ACAP2: variants seen among roughly 807,000 people sequenced by gnomAD.
ACAP2 encodes the protein arf-GAP with coiled-coil, ANK repeat and PH domain-containing protein 2.
In ACAP2, 39 loss-of-function variants were observed where a neutral mutation model predicts 115.8. The observed-to-expected ratio is 0.34, with a 90% CI of 0.26 to 0.44. The LOEUF is 0.44. ACAP2 is among the 20% of genes least tolerant of loss of function. The pLI is 1.00. For synonymous variants in ACAP2, 289 were observed against 315.8 expected (o/e 0.92, Z 0.90); for missense variants, 662 against 927.6 (o/e 0.71, Z 3.72).
chr3:195,336,518 A>G (rs9681021), intron 7 of ACAP2: 47,597 of 153,748 alleles, frequency 0.31, 8,501 homozygotes, highest in East Asian at 0.82. Flanking sequence ...CAAAACAAGT[A>G]AGAAAAAATT....
intron 9 of ACAP2, among the ~76,000 whole-genome samples, chr3:195,322,451 C>G (rs1391145801): frequency 6.6e-6 from 1 of 151,976 alleles, no homozygotes; most frequent in South Asian, 2.1e-4. Context: ...AGGAAACAGA[C>G]TAAATTCAGA....
At position 195,295,796 on chromosome 3, in the gene ACAP2, C is replaced by T. The variant is rs746203458; in HGVS notation, c.1584G>A (p.Lys528=). 1 of 1,614,004 alleles carries T rather than the reference C, an allele frequency of 6.2e-7. No individual in the cohort carries two copies. Among genetic ancestry groups the T allele is most frequent in the East Asian group, 2.2e-5 (1 of 44,864 alleles). ...ISLSPPEQQK[K]FVSKSSEEKR... ...TTTCTTCAGAACTTTTAGAGACAAACTTTTTTTGCTGCTCAGGAGGTGATA... is the reference window on the plus strand; with the variant it reads ...TTTCTTCAGAACTTTTAGAGACAAATTTTTTTTGCTGCTCAGGAGGTGATA... The change falls in exon 17 of 23, where the codon AAG becomes AAA. Residue 528 remains lysine, a synonymous_variant. Transcript: ENST00000326793.
intron 22 of ACAP2, chr3:195,285,461 G>C (rs963180688): frequency 6.8e-5 from 15 of 221,732 alleles, no homozygotes; most frequent in Non-Finnish European, 1.1e-4. Flanking sequence ...AGTATATGAA[G>C]AATATTTTTA....
chr3:195,315,339 T>A (rs1577286485), intron 10 of ACAP2, among the ~76,000 whole-genome samples: 1 of 152,252 alleles, frequency 6.6e-6, no homozygotes, highest in Non-Finnish European at 1.5e-5. Flanking sequence ...TATATTCTTT[T>A]ACAAGTCAGA....
chr3:195,407,417 C>T (rs1259955521), intron 1 of ACAP2, among the ~76,000 whole-genome samples: 1 of 151,914 alleles, frequency 6.6e-6, no homozygotes, highest in Non-Finnish European at 1.5e-5. Context: ...CATTAAAAAA[C>T]AAGAAAGTCC....
At chr3:195,330,761 C>T (rs2108623877) in intron 8 of ACAP2, among the ~76,000 whole-genome samples, 1 of 152,312 alleles carries the variant, frequency 6.6e-6, no homozygotes. Context: ...ACGTTAATTT[C>T]CCTTGCAGCT....
chr3:195,346,801 C>G (rs1207589275), intron 4 of ACAP2, among the ~76,000 whole-genome samples: 1 of 152,088 alleles, frequency 6.6e-6, no homozygotes, highest in East Asian at 1.9e-4. Context: ...TAGAAACAAA[C>G]TATGATACAT....
At chr3:195,316,720 T>A (rs1229149213) in intron 10 of ACAP2, among the ~76,000 whole-genome samples, 1 of 151,998 alleles carries the variant, frequency 6.6e-6, no homozygotes, top group African/African-American at 2.4e-5. Flanking sequence ...TTTAAAGCTC[T>A]CTAAACTCAG....
At chr3:195,385,082 C>G (rs909324498) in intron 2 of ACAP2, among the ~76,000 whole-genome samples, 1 of 151,506 alleles carries the variant, frequency 6.6e-6, no homozygotes, top group African/African-American at 2.4e-5. Context: ...GGTACCAAAC[C>G]ATATATGGTT....
intron 19 of ACAP2, 98 bp from the exon 20 acceptor site, chr3:195,291,913 G>T: frequency 1.0e-6 from 1 of 1,001,922 alleles, no homozygotes; most frequent in Non-Finnish European, 1.4e-6. Context: ...TACTCAAATA[G>T]CATTTCCATT....
At chr3:195,382,239 C>A (rs1170395496) in intron 2 of ACAP2, among the ~76,000 whole-genome samples, 1 of 152,034 alleles carries the variant, frequency 6.6e-6, no homozygotes, top group Non-Finnish European at 1.5e-5. Context: ...CATTTAGGAT[C>A]CAGAGGCTGT....
Position 195,353,323 on chromosome 3 carries a change from C to T in ACAP2, c.286-8006G>A, listed in dbSNP as rs192944097. Among the ~76,000 whole-genome samples the T allele has an allele frequency of 7.9e-5, 12 of 152,302 alleles. No homozygotes were observed. The East Asian group carries it at 1.9e-3, about 24-fold the overall frequency. ...GTAAGATAATACATGCATGTTGTTT[C>T]ATGCCACTAAGTTTTCAAATAATCT... On this transcript the variant is annotated intron_variant, in intron 4 of 22. Transcript: ENST00000326793.
chr3:195,275,958 C>G lies in ACAP2; in HGVS notation c.*3370G>C, dbSNP rs1726173154. On this transcript the variant is annotated 3_prime_UTR_variant, in exon 23 of 23. Coordinates refer to ENST00000326793, the MANE Select transcript of ACAP2 (RefSeq NM_012287.6). ...CGTATCATGCGGTTCTAAAGTCATT[C>G]TGGACATACAATCTACAAAAATACA... The G allele has an allele frequency of 6.6e-6, 1 of 152,600 alleles. No homozygotes were observed. The highest frequency in any genetic ancestry group is 2.1e-4 in the South Asian group (1 of 4,830). 9.5% of individuals were successfully genotyped at this position (152,600 alleles called of 1,614,324 possible).
intron 1 of ACAP2, among the ~76,000 whole-genome samples, chr3:195,436,122 T>C (rs1715521760): frequency 1.3e-5 from 1 of 77,790 alleles, no homozygotes; most frequent in Non-Finnish European, 2.3e-5. Context: ...TATATATGTA[T>C]ATATATATAT....
At chr3:195,303,977 T>C (rs989003262) in intron 13 of ACAP2, among the ~76,000 whole-genome samples, 3 of 151,778 alleles carry the variant, frequency 2.0e-5, no homozygotes, top group African/African-American at 7.3e-5. Context: ...CTGGCCAATA[T>C]GGTGAAACCC....
At chr3:195,398,157 T>C (rs544273040) in intron 1 of ACAP2, among the ~76,000 whole-genome samples, 20 of 152,204 alleles carry the variant, frequency 1.3e-4, no homozygotes, top group Non-Finnish European at 2.8e-4. Flanking sequence ...AATGATGAAA[T>C]ATTTAAAAAT....
intron 4 of ACAP2, chr3:195,356,234 G>A (rs554768200): frequency 1.9e-4 from 85 of 455,920 alleles, no homozygotes; most frequent in Non-Finnish European, 1.1e-4. Context: ...CCGGAACGCA[G>A]TGCTGCCAAT....
rs111663736 is a variant in ACAP2, at chr3:195,370,622, C to T, written c.285+10387G>A. On this transcript the variant is annotated intron_variant, in intron 4 of 22. Coordinates refer to ENST00000326793, the MANE Select transcript of ACAP2 (RefSeq NM_012287.6). ...GTCTGTGTCTGTTTCTGCTCCAGTACTATGCTGTTTTGGTTACTGGGGCCC... is the reference window on the plus strand; with the variant it reads ...GTCTGTGTCTGTTTCTGCTCCAGTATTATGCTGTTTTGGTTACTGGGGCCC... Among the ~76,000 whole-genome samples the T allele has an allele frequency of 2.2e-4, 34 of 152,246 alleles. 1 individual carries two copies. The highest frequency in any genetic ancestry group is 8.2e-4 in the African/African-American group (34 of 41,562).
chr3:195,320,430 T>C (rs759220954), intron 10 of ACAP2, among the ~76,000 whole-genome samples: 5 of 152,218 alleles, frequency 3.3e-5, no homozygotes, highest in Non-Finnish European at 5.9e-5. Flanking sequence ...AGCTAGCCAC[T>C]ATAGACCAAG....
Sources: allele counts gnomAD v4.1 joint callset (sites outside exome capture counted in the v4.1 genomes callset), GRCh38; gene constraint gnomAD v4.1.1; transcripts MANE v1.5; gene names NCBI Gene and HGNC (gene_info 2026-07-23, HGNC 2026-07-21).